The following SYT16 variants were observed in gnomAD, a reference collection of about 807,000 sequenced individuals.
SYT16 encodes the protein synaptotagmin 16, also known as synaptotagmin-16.
SYT16 carries 42 observed loss-of-function variants against 61.4 expected under a neutral mutation model. The observed-to-expected ratio is 0.68, with a 90% CI of 0.53 to 0.89. The LOEUF is 0.89. Ranked by LOEUF, SYT16 falls within the 40% of genes least tolerant of loss-of-function variation. The pLI, the probability that SYT16 is intolerant of heterozygous loss-of-function variation, is 0.00. For synonymous variants in SYT16, 314 were observed against 302.3 expected (o/e 1.04, Z -0.40); for missense variants, 804 against 807.3 (o/e 1.00, Z 0.05).
intron 3 of SYT16, among the ~76,000 whole-genome samples, chr14:62,002,605 C>G (rs186007864): frequency 6.6e-6 from 1 of 152,082 alleles, no homozygotes; most frequent in Non-Finnish European, 1.5e-5. Flanking sequence ...TCTCAGTAAT[C>G]CTGCCTCTCT....
chr14:61,989,183 A>G (rs985176807), intron 2 of SYT16, among the ~76,000 whole-genome samples: 1 of 152,194 alleles, frequency 6.6e-6, no homozygotes, highest in Non-Finnish European at 1.5e-5. Context: ...GGGAAAGATG[A>G]TAGGAGTTTA....
chr14:61,943,410 C>T (rs2050287704), intron 1 of SYT16, among the ~76,000 whole-genome samples: 1 of 152,286 alleles, frequency 6.6e-6, no homozygotes, highest in African/African-American at 2.4e-5. Flanking sequence ...GATATCAAAA[C>T]CTGGCTGAGA....
At chr14:62,046,688 C>T (rs1163547907) in intron 3 of SYT16, among the ~76,000 whole-genome samples, 1 of 152,128 alleles carries the variant, frequency 6.6e-6, no homozygotes, top group Non-Finnish European at 1.5e-5. Context: ...CCAGTTTTCC[C>T]AGCACCATTT....
intron 3 of SYT16, among the ~76,000 whole-genome samples, chr14:62,066,699 A>G (rs1452841666): frequency 6.6e-6 from 1 of 152,222 alleles, no homozygotes; most frequent in African/African-American, 2.4e-5. Flanking sequence ...ATATAAAATG[A>G]TGAAAAATTA....
intron 3 of SYT16, among the ~76,000 whole-genome samples, chr14:62,051,382 G>A (rs573337840): frequency 2.6e-5 from 4 of 152,304 alleles, no homozygotes; most frequent in South Asian, 2.1e-4. Context: ...CCTTTTCTTC[G>A]ACTAGGAAAG....
At chr14:61,875,449 G>A (rs931458065) in intron 1 of SYT16, among the ~76,000 whole-genome samples, 4 of 152,202 alleles carry the variant, frequency 2.6e-5, no homozygotes, top group East Asian at 1.9e-4. Flanking sequence ...GAAGGGTAAC[G>A]AAAACTTCAA....
intron 1 of SYT16, chr14:61,864,901 C>A: frequency 4.0e-6 from 5 of 1,242,904 alleles, no homozygotes; most frequent in Non-Finnish European, 5.9e-6. Context: ...GCGCGGATGG[C>A]GGGATGCTCC....
chr14:61,954,395 A>G (rs564218351), intron 1 of SYT16, among the ~76,000 whole-genome samples: 2 of 147,242 alleles, frequency 1.4e-5, no homozygotes, highest in South Asian at 2.1e-4. Context: ...AAGCATCTCT[A>G]TTTATGTCGT....
At chr14:62,038,910 G>C (rs117820569) in intron 3 of SYT16, among the ~76,000 whole-genome samples, 2 of 152,278 alleles carry the variant, frequency 1.3e-5, no homozygotes, top group East Asian at 3.9e-4. Flanking sequence ...TAAACGTTGC[G>C]TAGAGTTCTT....
intron 3 of SYT16, among the ~76,000 whole-genome samples, chr14:62,043,871 C>T (rs964476538): frequency 1.3e-5 from 2 of 151,950 alleles, no homozygotes; most frequent in Non-Finnish European, 2.9e-5. Flanking sequence ...CAGAATCTTG[C>T]TATGTTACTG....
intron 1 of SYT16, among the ~76,000 whole-genome samples, chr14:61,962,119 G>A (rs2051138938): frequency 6.6e-6 from 1 of 152,114 alleles, no homozygotes; most frequent in Non-Finnish European, 1.5e-5. Context: ...CCTACTTGAG[G>A]ATGGAGAATG....
rs763541425 is a variant in SYT16 at position 62,084,366 on chromosome 14, C to T, written c.1605C>T (p.Leu535=). The part of the protein sequence containing the change: ...EMIKGSHFRN[L]AVNRAPDTYG... Reference sequence around the variant, plus strand: ...TCAAAGGCAGCCATTTCCGAAACCTCGCTGTTAACCGAGCACCTGGTAAGT... The same window carrying T: ...TCAAAGGCAGCCATTTCCGAAACCTTGCTGTTAACCGAGCACCTGGTAAGT... Residue 535 remains leucine (L), a synonymous_variant, in exon 7 of 8, where the codon CTC becomes CTT. Coordinates refer to ENST00000683842, the MANE Select transcript of SYT16 (RefSeq NM_001367656.1). The T allele has an allele frequency of 1.1e-5, 17 of 1,612,126 alleles. No homozygotes were observed. The highest frequency in any genetic ancestry group is 2.0e-4 in the Middle Eastern group (1 of 5,016).
At chr14:61,885,472 G>A (rs545715980) in intron 1 of SYT16, among the ~76,000 whole-genome samples, 4 of 152,310 alleles carry the variant, frequency 2.6e-5, no homozygotes, top group South Asian at 2.1e-4. Context: ...CACTGAAGGT[G>A]AATTCTGCCT....
rs1319873564 is a variant in SYT16 at position 62,106,990 on chromosome 14, G to T, written c.*6283G>T. The stretch of plus-strand genomic sequence containing the variant: ...TTTTACTTCATGCCTTTGAGTGACA[G>T]TGTTACCAGTTTTACCTTGAGGATG... On this transcript the variant is annotated 3_prime_UTR_variant, in exon 8 of 8. Transcript: ENST00000683842. 1.3e-5 allele frequency: 2 copies of T among 151,826 alleles called. No homozygotes were observed. Among genetic ancestry groups the T allele is most frequent in the African/African-American group, 2.4e-5 (1 of 41,290 alleles). 9.4% of individuals were successfully genotyped at this position (151,826 alleles called of 1,614,324 possible).
At chr14:61,817,236 G>A (rs2045470258) in intron 1 of SYT16, among the ~76,000 whole-genome samples, 1 of 151,592 alleles carries the variant, frequency 6.6e-6, no homozygotes, top group Admixed American at 6.6e-5. Context: ...GGCCAACATG[G>A]TGAAATCCTG....
At chr14:61,900,715 C>T (rs1369445140) in intron 1 of SYT16, among the ~76,000 whole-genome samples, 3 of 152,146 alleles carry the variant, frequency 2.0e-5, no homozygotes, top group African/African-American at 4.8e-5. Context: ...GGCCAGTGAA[C>T]ACCAGCCTTG....
At chr14:61,969,594 G>A (rs571604838) in intron 1 of SYT16, among the ~76,000 whole-genome samples, 3 of 152,278 alleles carry the variant, frequency 2.0e-5, no homozygotes, top group East Asian at 3.9e-4. Flanking sequence ...TCTTATTGCT[G>A]TTGATAACCA....
In SYT16 at chr14:61,891,242, G is replaced by GCACACACACACA. The variant is rs34375502; in HGVS notation, c.-325+78451_-325+78462dup. 5.4e-3 allele frequency among the ~76,000 whole-genome samples: 798 copies of GCACACACACACA among 147,880 alleles called. 6 individuals carry two copies. The highest frequency in any genetic ancestry group is 0.018 in the African/African-American group (714 of 39,958). On this transcript the variant is annotated intron_variant, in intron 1 of 7. Transcript: ENST00000683842. Reference sequence around the variant, plus strand: ...TGTGTGCACGTGCATACACACACGCGCACACACACACACACACACACACAC... The same window carrying GCACACACACACA: ...TGTGTGCACGTGCATACACACACGCGCACACACACACACACACACACACACACACACACACAC...
At chr14:61,963,671 C>G (rs1047958442) in intron 1 of SYT16, among the ~76,000 whole-genome samples, 1 of 152,118 alleles carries the variant, frequency 6.6e-6, no homozygotes, top group African/African-American at 2.4e-5. Context: ...TACAGATGGT[C>G]TACCTAAGAT....
Sources: gnomAD v4.1 joint callset for allele counts (sites outside exome capture counted in the v4.1 genomes callset) on GRCh38, gnomAD v4.1.1 for gene constraint, MANE v1.5 for transcripts, NCBI Gene and HGNC (gene_info 2026-07-23, HGNC 2026-07-21) for gene names.